Variants in HS3ST4 observed in about 807,000 individuals in gnomAD.
The protein encoded by HS3ST4 is heparan sulfate glucosamine 3-O-sulfotransferase 4.
HS3ST4 carries 17 observed loss-of-function variants against 29.2 expected under a neutral mutation model. The observed-to-expected ratio is 0.58, with a 90% confidence interval of 0.40 to 0.87. The LOEUF (loss-of-function observed/expected upper bound fraction) is 0.87. HS3ST4 is among the 40% of genes least tolerant of loss of function. HS3ST4 has a pLI of 0.00. For synonymous variants in HS3ST4, 314 were observed against 285.7 expected (o/e 1.10, Z -1.00); for missense variants, 627 against 634.5 (o/e 0.99, Z 0.13).
At chr16:25,727,141 A>G (rs2141592094) in intron 1 of HS3ST4, among the ~76,000 whole-genome samples, 1 of 152,346 alleles carries the variant, frequency 6.6e-6, no homozygotes, top group South Asian at 2.1e-4. Context: ...GCTATTACTC[A>G]GCATTGTTTG....
chr16:25,699,357 T>C (rs534589194), intron 1 of HS3ST4, among the ~76,000 whole-genome samples: 2 of 152,354 alleles, frequency 1.3e-5, no homozygotes, highest in Admixed American at 6.5e-5. Context: ...AACAAGAACA[T>C]TGAGGCAGAA....
At chr16:26,029,282 G>A (rs959103614) in intron 1 of HS3ST4, among the ~76,000 whole-genome samples, 5 of 152,198 alleles carry the variant, frequency 3.3e-5, no homozygotes, top group Admixed American at 1.3e-4. Flanking sequence ...TGGTCACATG[G>A]CCTGAACAGC....
intron 1 of HS3ST4, among the ~76,000 whole-genome samples, chr16:26,129,999 A>C (rs1429709834): frequency 6.6e-6 from 1 of 152,200 alleles, no homozygotes; most frequent in Non-Finnish European, 1.5e-5. Flanking sequence ...GCACCACTGC[A>C]TTCCAGTCTG....
chr16:25,977,816 G>T (rs1968958955), intron 1 of HS3ST4, among the ~76,000 whole-genome samples: 1 of 152,212 alleles, frequency 6.6e-6, no homozygotes, highest in Non-Finnish European at 1.5e-5. Flanking sequence ...GGGACGAAGT[G>T]GAACACCAAG....
At chr16:26,117,644 C>T (rs1899217562) in intron 1 of HS3ST4, among the ~76,000 whole-genome samples, 1 of 152,196 alleles carries the variant, frequency 6.6e-6, no homozygotes, top group South Asian at 2.1e-4. Context: ...TTACTGCCTT[C>T]TTAATATCTG....
At chr16:25,977,150 T>C (rs1968952933) in intron 1 of HS3ST4, among the ~76,000 whole-genome samples, 1 of 152,104 alleles carries the variant, frequency 6.6e-6, no homozygotes, top group South Asian at 2.1e-4. Flanking sequence ...TATTATATTA[T>C]TATAATTTTT....
chr16:25,858,742 A>G (rs1967608732), intron 1 of HS3ST4, among the ~76,000 whole-genome samples: 1 of 152,080 alleles, frequency 6.6e-6, no homozygotes, highest in Non-Finnish European at 1.5e-5. Flanking sequence ...ATATTTTCTC[A>G]GGAAGTCATT....
At chr16:25,801,523 T>A (rs757594802) in intron 1 of HS3ST4, among the ~76,000 whole-genome samples, 5 of 152,328 alleles carry the variant, frequency 3.3e-5, no homozygotes, top group Admixed American at 6.5e-5. Context: ...CTAAAATAAC[T>A]ACTTGCTGTT....
chr16:26,082,802 G>A (rs76522564), intron 1 of HS3ST4, among the ~76,000 whole-genome samples: 3 of 152,168 alleles, frequency 2.0e-5, no homozygotes, highest in African/African-American at 4.8e-5. Flanking sequence ...CCAACTTCAT[G>A]GAGCAACCTT....
chr16:25,933,173 C>T (rs1036626199), intron 1 of HS3ST4, among the ~76,000 whole-genome samples: 2 of 152,142 alleles, frequency 1.3e-5, no homozygotes, highest in Non-Finnish European at 2.9e-5. Context: ...ACTCAGACAC[C>T]CAGCTCTCAG....
chr16:25,977,842 G>T (rs575921595), intron 1 of HS3ST4, among the ~76,000 whole-genome samples: 1 of 152,194 alleles, frequency 6.6e-6, no homozygotes, highest in Non-Finnish European at 1.5e-5. Flanking sequence ...CTGAGTGGGT[G>T]CCCTGCTGTG....
Position 25,705,015 on chromosome 16 carries a change from C to T in HS3ST4, c.734+11864C>T, listed in dbSNP as rs554632338. 4.6e-5 allele frequency among the ~76,000 whole-genome samples: 7 copies of T among 152,258 alleles called. No homozygotes were observed. The East Asian group carries it at 5.8e-4, about 13-fold the overall frequency. On this transcript the variant is annotated intron_variant, in intron 1 of 1. Coordinates refer to ENST00000331351, the MANE Select transcript of HS3ST4 (RefSeq NM_006040.3). ...GGGATTACCTGTGAGCCACCGCACC[C>T]GGCCCTGGGTGCCTTCCTACTATTC...
At chr16:26,040,914 A>G (rs545152177) in intron 1 of HS3ST4, among the ~76,000 whole-genome samples, 1 of 152,250 alleles carries the variant, frequency 6.6e-6, no homozygotes. Context: ...TGTTTTGCAG[A>G]TAAGCAGCCG....
intron 1 of HS3ST4, among the ~76,000 whole-genome samples, chr16:25,959,781 C>A (rs7196010): frequency 0.47 from 71,677 of 151,668 alleles, 17,221 homozygotes; most frequent in African/African-American, 0.55. Context: ...ATGGGAGTGG[C>A]TCCCTCATTA....
intron 1 of HS3ST4, among the ~76,000 whole-genome samples, chr16:25,863,904 C>T (rs1260576926): frequency 6.6e-6 from 1 of 152,220 alleles, no homozygotes; most frequent in East Asian, 1.9e-4. Context: ...AATTAATGTT[C>T]TTACATTTCT....
chr16:26,104,745 T>C (rs769169730), intron 1 of HS3ST4, among the ~76,000 whole-genome samples: 5 of 152,224 alleles, frequency 3.3e-5, no homozygotes, highest in Non-Finnish European at 5.9e-5. Context: ...AAGGAAATTA[T>C]TCATGTCTCA....
At position 26,136,159 on chromosome 16, in the gene HS3ST4, C is replaced by A. The variant is rs748378320; in HGVS notation, c.1282C>A (p.Leu428Met). Reference sequence around the variant, plus strand: ...CATTGACCCAGATGTCATCCACAGACTGAGGAAATTCTACAAACCCTTCAA... The same window carrying A: ...CATTGACCCAGATGTCATCCACAGAATGAGGAAATTCTACAAACCCTTCAA... The part of the protein sequence containing the change: ...PRIDPDVIHR[L>M]RKFYKPFNLM... The change falls in exon 2 of 2, where the codon CTG becomes ATG. Residue 428 changes from leucine to methionine, a missense_variant. Physicochemically the swap from Leu to Met is conservative, Grantham distance 15. This residue lies in a region of HS3ST4 where 225 missense variants were observed against 293.7 expected (regional missense o/e 0.77). Coordinates refer to ENST00000331351, the MANE Select transcript of HS3ST4 (RefSeq NM_006040.3). The A allele has an allele frequency of 5.0e-6, 8 of 1,613,436 alleles. No individual in the cohort carries two copies. In the East Asian group the frequency reaches 1.6e-4, roughly 32 times the overall value.
At chr16:25,780,784 T>G (rs1966851914) in intron 1 of HS3ST4, among the ~76,000 whole-genome samples, 1 of 152,198 alleles carries the variant, frequency 6.6e-6, no homozygotes, top group Admixed American at 6.5e-5. Context: ...CTATGAAACT[T>G]AAGACATTTA....
At chr16:25,797,072 G>A (rs529073803) in intron 1 of HS3ST4, among the ~76,000 whole-genome samples, 24 of 152,254 alleles carry the variant, frequency 1.6e-4, no homozygotes, top group African/African-American at 4.8e-4. Flanking sequence ...CCTATAAAAC[G>A]AGAATTATTG....
Sources: allele counts gnomAD v4.1 joint callset (sites outside exome capture counted in the v4.1 genomes callset), GRCh38; gene constraint gnomAD v4.1.1; regional missense constraint gnomAD v4.1.1; transcripts MANE v1.5; gene names NCBI Gene and HGNC (gene_info 2026-07-23, HGNC 2026-07-21).